The following CCDC60 variants were observed in gnomAD, a reference collection of about 807,000 sequenced individuals.
The protein encoded by CCDC60 is coiled-coil domain containing 60.
Under a neutral mutation model 63.5 loss-of-function variants are expected in CCDC60, and 54 were observed. The observed-to-expected ratio is 0.85, with a 90% CI of 0.68 to 1.07. The LOEUF (loss-of-function observed/expected upper bound fraction) is 1.07. Ranked by LOEUF, CCDC60 falls within the 50% of genes least tolerant of loss-of-function variation. The probability of loss-of-function intolerance (pLI) is 0.00; values close to 1 mark genes in which losing one functional copy is unlikely to be tolerated. For missense variants in CCDC60, 651 were observed against 684.3 expected, an observed-to-expected ratio of 0.95 and a Z score of 0.54; for synonymous variants, 206 against 238.8, an observed-to-expected ratio of 0.86 and a Z score of 1.27.
chr12:119,454,245 CTATT>C (rs1241387389), intron 2 of CCDC60, among the ~76,000 whole-genome samples: 1 of 152,208 alleles, frequency 6.6e-6, no homozygotes, highest in Non-Finnish European at 1.5e-5. Context: ...TATGGTCAGA[CTATT>C]TGACTTCTTT....
chr12:119,494,299 C>T (rs532978499), intron 5 of CCDC60, among the ~76,000 whole-genome samples: 1 of 152,196 alleles, frequency 6.6e-6, no homozygotes, highest in Non-Finnish European at 1.5e-5. Context: ...ACAGGCCAGA[C>T]CCCTGGCCAA....
At chr12:119,442,934 C>T (rs1225953883) in intron 2 of CCDC60, among the ~76,000 whole-genome samples, 2 of 152,196 alleles carry the variant, frequency 1.3e-5, no homozygotes, top group African/African-American at 4.8e-5. Context: ...GTACTTCAGA[C>T]GTGACTTTTT....
Position 119,403,774 on chromosome 12 carries a change from G to T in CCDC60, c.91-24909G>T, listed in dbSNP as rs192055320. The stretch of plus-strand genomic sequence containing the variant: ...TCAAGTTCTCACTCACCTCCATCCC[G>T]ATCTTTGCAAATGCTGTCCCCTCTG... On this transcript the variant is annotated intron_variant, in intron 1 of 13. Coordinates refer to ENST00000327554, the MANE Select transcript of CCDC60 (RefSeq NM_178499.5). Among the ~76,000 whole-genome samples, 3 of 151,950 alleles carry T rather than the reference G, an allele frequency of 2.0e-5. No homozygotes were observed. In the South Asian group the frequency reaches 6.2e-4, roughly 32 times the overall value.
intron 7 of CCDC60, among the ~76,000 whole-genome samples, chr12:119,516,329 C>T (rs917170606): frequency 1.1e-4 from 17 of 152,198 alleles, no homozygotes; most frequent in African/African-American, 2.9e-4. Context: ...TGGTTTCAAA[C>T]TCCTGGCCTC....
chr12:119,462,851 T>G (rs1350152387), intron 2 of CCDC60, among the ~76,000 whole-genome samples: 1 of 151,564 alleles, frequency 6.6e-6, no homozygotes, highest in Non-Finnish European at 1.5e-5. Context: ...TGAGACAGAG[T>G]CTTGCTCTCT....
At chr12:119,450,791 G>A (rs1950616984) in intron 2 of CCDC60, among the ~76,000 whole-genome samples, 1 of 151,946 alleles carries the variant, frequency 6.6e-6, no homozygotes, top group African/African-American at 2.4e-5. Context: ...CCAGGAGGCG[G>A]AGGTTGCGGT....
intron 2 of CCDC60, among the ~76,000 whole-genome samples, chr12:119,436,564 G>A (rs1235792597): frequency 7.0e-6 from 1 of 143,394 alleles, no homozygotes; most frequent in Non-Finnish European, 1.5e-5. Context: ...TTGAGACAGA[G>A]TTTCTCTCCT....
intron 9 of CCDC60, 126 bp downstream of exon 9, chr12:119,520,318 T>C (rs1952489860): frequency 1.2e-5 from 9 of 752,588 alleles, no homozygotes; most frequent in Non-Finnish European, 2.0e-5. Context: ...TTTTCCTTCT[T>C]ATGACCTCAC....
At chr12:119,386,769 A>G (rs571977635) in intron 1 of CCDC60, among the ~76,000 whole-genome samples, 5 of 152,290 alleles carry the variant, frequency 3.3e-5, no homozygotes, top group Non-Finnish European at 7.3e-5. Flanking sequence ...AATGTAGGAG[A>G]CAACTGGAAG....
chr12:119,391,458 G>A (rs1956156712), intron 1 of CCDC60, among the ~76,000 whole-genome samples: 2 of 152,340 alleles, frequency 1.3e-5, no homozygotes, highest in South Asian at 4.1e-4. Context: ...AGACTGATCT[G>A]GATTGGAGAG....
At chr12:119,349,532 T>A (rs1955633502) in intron 1 of CCDC60, among the ~76,000 whole-genome samples, 1 of 151,846 alleles carries the variant, frequency 6.6e-6, no homozygotes, top group East Asian at 1.9e-4. Flanking sequence ...AGGGACAGGG[T>A]TTCACCATGT....
intron 7 of CCDC60, among the ~76,000 whole-genome samples, chr12:119,510,761 C>T (rs74516023): frequency 0.027 from 4,125 of 152,100 alleles, 175 homozygotes; most frequent in African/African-American, 0.092. Context: ...GAACTCCAGC[C>T]GTCACACTCA....
chr12:119,539,997 C>T (rs1429304395), intron 13 of CCDC60, among the ~76,000 whole-genome samples: 2 of 152,198 alleles, frequency 1.3e-5, no homozygotes, highest in Non-Finnish European at 2.9e-5. Context: ...TTCAGCTTGC[C>T]CTCTGTGCTG....
chr12:119,475,519 G>T (rs1187209915), intron 3 of CCDC60, among the ~76,000 whole-genome samples: 2 of 152,186 alleles, frequency 1.3e-5, no homozygotes, highest in African/African-American at 4.8e-5. Context: ...GTTATACAAG[G>T]CTGGTTATTA....
intron 11 of CCDC60, among the ~76,000 whole-genome samples, chr12:119,525,742 A>G (rs1383981835): frequency 6.6e-6 from 1 of 152,214 alleles, no homozygotes. Context: ...AGAATTACAA[A>G]ACACTGCTCA....
intron 1 of CCDC60, among the ~76,000 whole-genome samples, chr12:119,378,315 C>T (rs540638017): frequency 3.9e-5 from 6 of 152,296 alleles, no homozygotes; most frequent in South Asian, 2.1e-4. Context: ...GGCATTCACC[C>T]GTGCAAGCTT....
intron 7 of CCDC60, among the ~76,000 whole-genome samples, chr12:119,509,257 C>T (rs1433634670): frequency 6.6e-6 from 1 of 152,142 alleles, no homozygotes; most frequent in African/African-American, 2.4e-5. Context: ...TGAAAAGTAG[C>T]TGTGACTTTT....
chr12:119,362,374 C>T (rs1955799760), intron 1 of CCDC60, among the ~76,000 whole-genome samples: 1 of 152,152 alleles, frequency 6.6e-6, no homozygotes, highest in Non-Finnish European at 1.5e-5. Flanking sequence ...ATTCTCTCAT[C>T]TCTTCCTATC....
At chr12:119,424,890 C>T (rs1956874965) in intron 1 of CCDC60, among the ~76,000 whole-genome samples, 1 of 152,062 alleles carries the variant, frequency 6.6e-6, no homozygotes, top group African/African-American at 2.4e-5. Flanking sequence ...GTGCGTGCAT[C>T]TCATGCTGCT....
Sources: allele counts gnomAD v4.1 joint callset (sites outside exome capture counted in the v4.1 genomes callset), GRCh38; gene constraint gnomAD v4.1.1; transcripts MANE v1.5; gene names NCBI Gene and HGNC (gene_info 2026-07-23, HGNC 2026-07-21).